Variants in FCRL5 observed in about 807,000 individuals in gnomAD.
The protein encoded by FCRL5 is Fc receptor like 5.
FCRL5 carries 79 observed loss-of-function variants against 92.1 expected under a neutral mutation model. The observed-to-expected ratio is 0.86, with a 90% confidence interval of 0.72 to 1.03. The LOEUF is 1.03. Among genes scored for constraint, FCRL5 ranks in the 50% least tolerant of loss-of-function variants. FCRL5 has a pLI of 0.00. For missense variants in FCRL5, 1,160 were observed against 1,181.1 expected, an observed-to-expected ratio of 0.98 and a Z score of 0.26; for synonymous variants, 466 against 469.3, an observed-to-expected ratio of 0.99 and a Z score of 0.09.
chr1:157,552,359 G>T lies in FCRL5; in HGVS notation c.4C>A (p.Leu2Met). 6.2e-7 allele frequency: 1 copy of T among 1,614,092 alleles called. No homozygotes were observed. Among genetic ancestry groups the T allele is most frequent in the Non-Finnish European group, 8.5e-7 (1 of 1,179,964 alleles). M[L>M]LWVILLVLAP... ...AGGACCAGTAATATCACCCACAGCAGCATGAAGACCTGGACCACCAAGGGC... is the reference window on the plus strand; with the variant it reads ...AGGACCAGTAATATCACCCACAGCATCATGAAGACCTGGACCACCAAGGGC... Residue 2 changes from leucine (L) to methionine (M), a missense_variant, in exon 1 of 17, where the codon CTG becomes ATG. Physicochemically the swap from Leu to Met is conservative, Grantham distance 15. Coordinates refer to ENST00000361835, the MANE Select transcript of FCRL5 (RefSeq NM_031281.3).
At chr1:157,524,213 T>C in intron 10 of FCRL5, 66 bp downstream of exon 10, 1 of 1,572,344 alleles carries the variant, frequency 6.4e-7, no homozygotes, top group Non-Finnish European at 8.7e-7. Flanking sequence ...GGCTCCATTT[T>C]CAGCTGCAGG....
At chr1:157,540,826 G>A (rs1651226513) in intron 6 of FCRL5, among the ~76,000 whole-genome samples, 1 of 152,112 alleles carries the variant, frequency 6.6e-6, no homozygotes, top group Non-Finnish European at 1.5e-5. Context: ...AGTAAGTTCT[G>A]GTGTTTGTAT....
At chr1:157,546,446 T>TC (rs1651540034) in intron 3 of FCRL5, among the ~76,000 whole-genome samples, 1 of 76,512 alleles carries the variant, frequency 1.3e-5, no homozygotes, top group Non-Finnish European at 3.3e-5. Flanking sequence ...AGACTCCATC[T>TC]CAAAAAACCA....
chr1:157,527,322 A>G (rs936607257), intron 9 of FCRL5, among the ~76,000 whole-genome samples: 2 of 152,246 alleles, frequency 1.3e-5, no homozygotes, highest in African/African-American at 2.4e-5. Context: ...CTTTCTTACT[A>G]TCACTGTTGG....
At chr1:157,515,794 C>T (rs747824049) in intron 16 of FCRL5, 30 bp from the exon 17 acceptor site, 1 of 1,609,702 alleles carries the variant, frequency 6.2e-7, no homozygotes, top group Admixed American at 1.7e-5. Context: ...GCGTGAGGAC[C>T]AGGGTGGGCC....
intron 2 of FCRL5, among the ~76,000 whole-genome samples, chr1:157,548,087 T>C (rs1365721297): frequency 6.6e-6 from 1 of 152,246 alleles, no homozygotes; most frequent in Non-Finnish European, 1.5e-5. Flanking sequence ...GTCAATATAC[T>C]TGCCATGGAG....
At chr1:157,544,071 T>A (rs1380955736) in intron 5 of FCRL5, among the ~76,000 whole-genome samples, 191 bp downstream of exon 5, 1 of 152,194 alleles carries the variant, frequency 6.6e-6, no homozygotes, top group African/African-American at 2.4e-5. Context: ...TAGACCTTTC[T>A]TTTCTTGGAT....
At chr1:157,549,442 A>G (rs1651710058) in intron 2 of FCRL5, 118 bp downstream of exon 2, 2 of 945,132 alleles carry the variant, frequency 2.1e-6, no homozygotes, top group African/African-American at 1.7e-5. Context: ...TAATAAAAAA[A>G]AGGAAAGAAA....
At position 157,535,554 on chromosome 1, in the gene FCRL5, G is replaced by A. The variant is rs573832073; in HGVS notation, c.1403-662C>T. On this transcript the variant is annotated intron_variant, in intron 7 of 16. Transcript: ENST00000361835. Reference sequence around the variant, plus strand: ...ATCTCATATCTCATATGCATATTCTGTCCATTACAACTCAGTTTTTACCCC... The same window carrying A: ...ATCTCATATCTCATATGCATATTCTATCCATTACAACTCAGTTTTTACCCC... 9.9e-5 allele frequency among the ~76,000 whole-genome samples: 15 copies of A among 152,006 alleles called. No individual in the cohort carries two copies. The South Asian group carries it at 2.9e-3, about 29-fold the overall frequency.
Position 157,521,240 on chromosome 1 carries a change from C to T in FCRL5, c.2292G>A (p.Ala764=), listed in dbSNP as rs552385476. Reference sequence around the variant, plus strand: ...AGTGAAGCTCCAGCAGGTCCCCCACCGCAGCATGGGTCCCGGGAGCCCTGA... The same window carrying T: ...AGTGAAGCTCCAGCAGGTCCCCCACTGCAGCATGGGTCCCGGGAGCCCTGA... The part of the protein sequence containing the change: ...LTLRAPGTHA[A]VGDLLELHCE... The change falls in exon 11 of 17, where the codon GCG becomes GCA. Residue 764 remains alanine, a synonymous_variant. Transcript: ENST00000361835. 14 of 1,614,102 alleles carry T rather than the reference C, an allele frequency of 8.7e-6. No individual in the cohort carries two copies. The highest frequency in any genetic ancestry group is 2.2e-5 in the East Asian group (1 of 44,874).
rs1043391925 is a variant in FCRL5 at position 157,552,484 on chromosome 1, C to T, written c.-122G>A. ...AGCTCCAAGGAGCACATCTGAGAAG[C>T]TGTGCTCTCAAAAAGAGCAGAATGC... On this transcript the variant is annotated 5_prime_UTR_variant, in exon 1 of 17. Transcript: ENST00000361835. 1.0e-6 allele frequency: 1 copy of T among 1,004,672 alleles called. No individual in the cohort carries two copies. Among genetic ancestry groups the T allele is most frequent in the African/African-American group, 1.6e-5 (1 of 62,730 alleles). The allele number at this position is 1,004,672 out of a possible 1,614,324, so 62.2% of individuals were successfully genotyped here. A position where few individuals can be genotyped will look rare whatever the true frequency, so the allele number is the denominator to read the frequency against.
intron 9 of FCRL5, among the ~76,000 whole-genome samples, chr1:157,527,389 C>T (rs1650479087): frequency 6.6e-6 from 1 of 152,148 alleles, no homozygotes; most frequent in African/African-American, 2.4e-5. Context: ...GAATTTTGGT[C>T]GTGATGGCTG....
At chr1:157,515,908 C>T in intron 15 of FCRL5, 35 bp from the exon 16 acceptor site, 5 of 1,611,850 alleles carry the variant, frequency 3.1e-6, no homozygotes, top group Non-Finnish European at 4.2e-6. Flanking sequence ...TTGTGGAAGA[C>T]TGGCATGGGG....
At chr1:157,525,689 A>G (rs1228136452) in intron 9 of FCRL5, among the ~76,000 whole-genome samples, 1 of 152,226 alleles carries the variant, frequency 6.6e-6, no homozygotes, top group East Asian at 1.9e-4. Flanking sequence ...TGGTAGAGAT[A>G]GAGACCCAAG....
chr1:157,551,662 T>A lies in FCRL5; in HGVS notation c.31+670A>T, dbSNP rs537668647. 4.6e-5 allele frequency among the ~76,000 whole-genome samples: 7 copies of A among 152,332 alleles called. No homozygotes were observed. In the South Asian group the frequency reaches 1.2e-3, roughly 27 times the overall value. On this transcript the variant is annotated intron_variant, in intron 1 of 16. Coordinates refer to ENST00000361835, the MANE Select transcript of FCRL5 (RefSeq NM_031281.3). ...TGTGCATAGATATTACTAAACACAT[T>A]TGCTGAACAAATAAATAAACATATT...
chr1:157,542,701 C>A, intron 6 of FCRL5, 158 bp downstream of exon 6: 1 of 886,994 alleles, frequency 1.1e-6, no homozygotes, highest in East Asian at 2.5e-5. Context: ...ACTCAAGAGG[C>A]AGACAGCTGG....
At position 157,549,554 on chromosome 1, in the gene FCRL5, A is replaced by G. The variant is rs1338338025; in HGVS notation, c.52+6T>C. ...ACGCTGAAGAGCCAAAGACAGGAGA[A>G]CTCACCAAACTGTCCACTGACAGGA... On this transcript the variant is annotated splice_donor_region_variant and intron_variant, in intron 2 of 16. Coordinates refer to ENST00000361835, the MANE Select transcript of FCRL5 (RefSeq NM_031281.3). 13 of 1,611,902 alleles carry G rather than the reference A, an allele frequency of 8.1e-6. No individual in the cohort carries two copies. The East Asian group carries it at 2.9e-4, about 36-fold the overall frequency.
At chr1:157,550,992 T>C (rs1373363793) in intron 1 of FCRL5, among the ~76,000 whole-genome samples, 3 of 152,226 alleles carry the variant, frequency 2.0e-5, no homozygotes, top group Admixed American at 6.5e-5. Context: ...ACTTAAGTGT[T>C]TTACTGAGAA....
intron 5 of FCRL5, 82 bp downstream of exon 5, chr1:157,544,180 C>T: frequency 6.8e-7 from 1 of 1,462,210 alleles, no homozygotes; most frequent in Non-Finnish European, 9.5e-7. Flanking sequence ...TCTACAGAGA[C>T]TGGTGACCCA....
Sources: allele counts gnomAD v4.1 joint callset (sites outside exome capture counted in the v4.1 genomes callset), GRCh38; gene constraint gnomAD v4.1.1; transcripts MANE v1.5; gene names NCBI Gene and HGNC (gene_info 2026-07-23, HGNC 2026-07-21).